CHM: variants seen among roughly 807,000 people sequenced by gnomAD.
CHM encodes the protein CHM Rab escort protein, also known as rab proteins geranylgeranyltransferase component A 1.
Under a neutral mutation model 49.0 loss-of-function variants are expected in CHM, and 10 were observed. The ratio of observed to expected loss-of-function variants is 0.20; its 90% CI spans 0.13 to 0.35. CHM has a LOEUF of 0.35. CHM is among the 10% of genes least tolerant of loss of function. CHM has a pLI of 1.00. For synonymous variants in CHM, 184 were observed against 167.5 expected, an observed-to-expected ratio of 1.10 and a Z score of -0.76; for missense variants, 455 against 478.4, an observed-to-expected ratio of 0.95 and a Z score of 0.46.
intron 4 of CHM, among the ~76,000 whole-genome samples, chrX:85,978,500 C>G (rs1240948277): frequency 1.8e-5 from 2 of 111,856 alleles, no homozygotes; most frequent in Non-Finnish European, 3.8e-5. Flanking sequence ...ATACTACTAT[C>G]TGCCCTACCC....
intron 2 of CHM, among the ~76,000 whole-genome samples, chrX:86,008,937 C>G (rs1331069272): frequency 8.9e-6 from 1 of 112,263 alleles, no homozygotes; most frequent in South Asian, 3.7e-4. Context: ...AAGAAAATAT[C>G]AAGTAGCATT....
At chrX:85,893,516 T>G (rs1420717754) in intron 12 of CHM, among the ~76,000 whole-genome samples, 1 of 111,970 alleles carries the variant, frequency 8.9e-6, no homozygotes, top group African/African-American at 3.2e-5. Context: ...TGTTGACATA[T>G]GCAATACAAA....
intron 8 of CHM, among the ~76,000 whole-genome samples, chrX:85,954,893 C>CA (rs768276965): frequency 0.071 from 5,923 of 83,142 alleles, 343 homozygotes; most frequent in African/African-American, 0.19. Context: ...CTCCATCTCC[C>CA]AAAAAAAAAA....
chrX:85,897,224 A>C (rs1194524355), intron 11 of CHM, among the ~76,000 whole-genome samples: 2 of 99,992 alleles, frequency 2.0e-5, no homozygotes, highest in Non-Finnish European at 3.9e-5. Context: ...GCATATATGA[A>C]AGTATATACT....
intron 2 of CHM, among the ~76,000 whole-genome samples, chrX:86,018,742 G>A (rs755026354): frequency 8.9e-6 from 1 of 112,135 alleles, no homozygotes; most frequent in South Asian, 3.7e-4. Flanking sequence ...GCAACAACCT[G>A]GATGGATCTC....
chrX:85,892,050 G>A (rs1330640320), intron 12 of CHM, among the ~76,000 whole-genome samples: 1 of 111,262 alleles, frequency 9.0e-6, no homozygotes, highest in Admixed American at 9.5e-5. Context: ...CCTTTGTTTT[G>A]GCCAATTTCT....
rs1257459228 is a variant in CHM, at chrX:85,905,327, T to A, written c.1245-4139A>T. ...TGCCTTAGACTCTTACAATGTCTAA[T>A]ATGATAATGACCTGCTAGCAAATTG... On this transcript the variant is annotated intron_variant, in intron 9 of 14. Transcript: ENST00000357749. Among the ~76,000 whole-genome samples the A allele has an allele frequency of 3.6e-5, 4 of 111,853 alleles. No homozygotes were observed. In the Admixed American group the frequency reaches 3.8e-4, roughly 11 times the overall value.
intron 8 of CHM, among the ~76,000 whole-genome samples, chrX:85,940,110 T>C (rs1929020655): frequency 9.0e-6 from 1 of 111,358 alleles, no homozygotes; most frequent in Non-Finnish European, 1.9e-5. Flanking sequence ...CAAGCACGTC[T>C]TACCATGACG....
intron 5 of CHM, among the ~76,000 whole-genome samples, chrX:85,959,192 C>T (rs1930164176): frequency 9.0e-6 from 1 of 111,401 alleles, no homozygotes; most frequent in African/African-American, 3.3e-5. Flanking sequence ...TTTTACAAAA[C>T]ATGTTTAGCA....
intron 8 of CHM, among the ~76,000 whole-genome samples, chrX:85,930,662 A>C (rs1379751534): frequency 9.0e-6 from 1 of 111,728 alleles, no homozygotes; most frequent in Non-Finnish European, 1.9e-5. Flanking sequence ...TCTTATTCCC[A>C]GTCCTCACAG....
chrX:86,018,584 A>C (rs1933403850), intron 2 of CHM, among the ~76,000 whole-genome samples: 1 of 112,527 alleles, frequency 8.9e-6, no homozygotes, highest in Admixed American at 9.4e-5. Flanking sequence ...ACAACTATAT[A>C]AATGTTCCCA....
At chrX:85,941,809 C>T (rs1019026245) in intron 8 of CHM, among the ~76,000 whole-genome samples, 1 of 111,241 alleles carries the variant, frequency 9.0e-6, no homozygotes. Context: ...CTAGCTAAGT[C>T]TCTAACTGCC....
Position 85,964,005 on chromosome X carries a change from T to C in CHM, c.362A>G (p.Asn121Ser). The part of the protein sequence containing the change: ...DVEEAGALQK[N>S]HALVTSANST... ...GTTTGCAGATGTCACAAGAGCATGA[T>C]TTTTCTGCAGTGCACCAGCTTCTTC... The change falls in exon 5 of 15, where the codon AAT (asparagine) becomes AGT (serine). Residue 121 changes from asparagine to serine, a missense_variant. By Grantham distance (46) the Asn-to-Ser change is conservative. Coordinates refer to ENST00000357749, the MANE Select transcript of CHM (RefSeq NM_000390.4). 4 of 1,209,144 alleles carry C rather than the reference T, an allele frequency of 3.3e-6. No individual in the cohort carries two copies. Among genetic ancestry groups the C allele is most frequent in the Non-Finnish European group, 4.5e-6 (4 of 894,489 alleles).
Position 85,878,950 on chromosome X carries a change from A to G in CHM, c.1609+15T>C. 2 of 1,073,372 alleles carry G rather than the reference A, an allele frequency of 1.9e-6. No homozygotes were observed. The highest frequency in any genetic ancestry group is 2.6e-6 in the Non-Finnish European group (2 of 772,654). The allele number at this position is 1,073,372 out of a possible 1,213,427, so 88.5% of individuals were successfully genotyped here. A position where few individuals can be genotyped will look rare whatever the true frequency, so the allele number is the denominator to read the frequency against. On this transcript the variant is annotated intron_variant, in intron 13 of 14. Coordinates refer to ENST00000357749, the MANE Select transcript of CHM (RefSeq NM_000390.4). ...CATTACCTTTCCATCATGAGTTATC[A>G]ATTATTTTTCTTACCTATCTCCATT...
intron 8 of CHM, among the ~76,000 whole-genome samples, chrX:85,911,832 C>T (rs768952485): frequency 9.0e-6 from 1 of 111,509 alleles, no homozygotes; most frequent in Non-Finnish European, 1.9e-5. Context: ...GAGCAGTAAA[C>T]ATGAGTAAAT....
chrX:86,018,624 T>C (rs925718464), intron 2 of CHM, among the ~76,000 whole-genome samples: 14 of 112,090 alleles, frequency 1.2e-4, no homozygotes, highest in African/African-American at 1.6e-4. Flanking sequence ...AACCAAAAAA[T>C]AGAATCACTC....
chrX:85,887,655 T>C (rs778106715), intron 12 of CHM, among the ~76,000 whole-genome samples: 20 of 111,344 alleles, frequency 1.8e-4, no homozygotes, highest in African/African-American at 6.2e-4. Context: ...TGGAACTCCA[T>C]AGATAGTTGT....
chrX:85,946,430 G>GCA (rs1277185589), intron 8 of CHM, among the ~76,000 whole-genome samples: 1 of 72,337 alleles, frequency 1.4e-5, no homozygotes, highest in Non-Finnish European at 3.1e-5. Context: ...TGCACAACAT[G>GCA]CTCCCCATAT....
chrX:85,892,529 C>T (rs762483356), intron 12 of CHM, among the ~76,000 whole-genome samples: 5 of 109,982 alleles, frequency 4.5e-5, no homozygotes, highest in African/African-American at 1.7e-4. Flanking sequence ...TTAAGAAGTG[C>T]CTTTTGCCTC....
Sources: gnomAD v4.1 joint callset for allele counts (sites outside exome capture counted in the v4.1 genomes callset) on GRCh38, gnomAD v4.1.1 for gene constraint, MANE v1.5 for transcripts, NCBI Gene and HGNC (gene_info 2026-07-23, HGNC 2026-07-21) for gene names.